TTC39C: variants seen among roughly 807,000 people sequenced by gnomAD.
TTC39C encodes tetratricopeptide repeat domain 39C.
Under a neutral mutation model 76.3 loss-of-function variants are expected in TTC39C, and 33 were observed. That is an observed-to-expected ratio of 0.43 (90% confidence interval 0.33 to 0.58). The LOEUF (loss-of-function observed/expected upper bound fraction) is 0.58. Ranked by LOEUF, TTC39C falls within the 20% of genes least tolerant of loss-of-function variation. TTC39C has a pLI of 0.04. For synonymous variants in TTC39C, 254 were observed against 260.6 expected, an observed-to-expected ratio of 0.97 and a Z score of 0.24; for missense variants, 595 against 701.4, an observed-to-expected ratio of 0.85 and a Z score of 1.71.
intron 6 of TTC39C, among the ~76,000 whole-genome samples, chr18:24,109,251 G>A (rs1599334083): frequency 6.6e-6 from 1 of 150,898 alleles, no homozygotes; most frequent in East Asian, 2.0e-4. Context: ...AACTACTCAG[G>A]AGGCTGAGGT....
chr18:24,117,701 C>CA (rs1000196324), intron 7 of TTC39C, among the ~76,000 whole-genome samples: 19 of 106,516 alleles, frequency 1.8e-4, no homozygotes, highest in Admixed American at 7.0e-4. Flanking sequence ...GACTCCTTCT[C>CA]AAAAAAAAAG....
At chr18:24,065,642 G>T (rs1280210036) in intron 2 of TTC39C, among the ~76,000 whole-genome samples, 1 of 152,182 alleles carries the variant, frequency 6.6e-6, no homozygotes, top group East Asian at 1.9e-4. Context: ...TGGAGCCAGG[G>T]ATCCATATGT....
chr18:24,132,647 T>C lies in TTC39C; in HGVS notation c.*73T>C. 1 of 1,313,686 alleles carries C rather than the reference T, an allele frequency of 7.6e-7. No homozygotes were observed. The highest frequency in any genetic ancestry group is 1.1e-6 in the Non-Finnish European group (1 of 944,806). The allele number at this position is 1,313,686 out of a possible 1,614,324, so 81.4% of individuals were successfully genotyped here. On this transcript the variant is annotated 3_prime_UTR_variant, in exon 14 of 14. Coordinates refer to ENST00000317571, the MANE Select transcript of TTC39C (RefSeq NM_001135993.2). The stretch of plus-strand genomic sequence containing the variant: ...TTAAAATAAAAGCAGAGGACAAAGC[T>C]CTTGTGAAGATGGGCTTTTCTTCTG...
chr18:24,125,726 T>C, intron 10 of TTC39C, 176 bp downstream of exon 10: 2 of 739,744 alleles, frequency 2.7e-6, no homozygotes, highest in Non-Finnish European at 4.3e-6. Flanking sequence ...ACTTAGGTGA[T>C]GGGAGGAGGA....
At chr18:24,104,755 A>C (rs568948670) in intron 6 of TTC39C, among the ~76,000 whole-genome samples, 1 of 149,998 alleles carries the variant, frequency 6.7e-6, no homozygotes, top group Admixed American at 6.6e-5. Context: ...ATGAATGAAT[A>C]CAAAGTACAG....
chr18:24,117,944 A>G (rs1413692012), intron 7 of TTC39C, among the ~76,000 whole-genome samples, 181 bp from the exon 8 acceptor site: 1 of 152,206 alleles, frequency 6.6e-6, no homozygotes, highest in Non-Finnish European at 1.5e-5. Flanking sequence ...TGTCAAATTC[A>G]AACTTTACAT....
At position 24,022,612 on chromosome 18, in the gene TTC39C, C is replaced by G. The variant is rs189905431; in HGVS notation, c.167+7574C>G. Reference sequence around the variant, plus strand: ...TGGGGCAAGTTCCTTCAGTAATATGCAGATTGCACTCTGACACCCAGAAGC... The same window carrying G: ...TGGGGCAAGTTCCTTCAGTAATATGGAGATTGCACTCTGACACCCAGAAGC... On this transcript the variant is annotated intron_variant, in intron 1 of 13. Transcript: ENST00000317571. The G allele has an allele frequency of 1.2e-4, 123 of 985,364 alleles. No homozygotes were observed. The Admixed American group carries it at 1.7e-3, about 13-fold the overall frequency. 61.0% of individuals were successfully genotyped at this position (985,364 alleles called of 1,614,324 possible). A position where few individuals can be genotyped will look rare whatever the true frequency, so the allele number is the denominator to read the frequency against.
At chr18:24,106,749 A>G (rs991742203) in intron 6 of TTC39C, among the ~76,000 whole-genome samples, 3 of 152,200 alleles carry the variant, frequency 2.0e-5, no homozygotes, top group Non-Finnish European at 2.9e-5. Context: ...CAGTGGCACT[A>G]TCTTGGCTCA....
chr18:24,100,813 C>G (rs2084664581), intron 6 of TTC39C, among the ~76,000 whole-genome samples: 1 of 152,132 alleles, frequency 6.6e-6, no homozygotes, highest in Admixed American at 6.6e-5. Context: ...TTTTTATTCA[C>G]CAGGAATGTT....
intron 1 of TTC39C, among the ~76,000 whole-genome samples, chr18:24,054,505 T>TC (rs2083991589): frequency 6.6e-6 from 1 of 152,128 alleles, no homozygotes; most frequent in African/African-American, 2.4e-5. Context: ...ACTGTTCAAC[T>TC]CCCCCCTGTA....
At chr18:24,087,495 T>C (rs899764310) in intron 6 of TTC39C, among the ~76,000 whole-genome samples, 2 of 152,136 alleles carry the variant, frequency 1.3e-5, no homozygotes, top group African/African-American at 4.8e-5. Flanking sequence ...TAAAAAAGTG[T>C]TCAGATATTC....
At chr18:24,085,440 C>G (rs1354076546) in intron 6 of TTC39C, among the ~76,000 whole-genome samples, 5 of 152,184 alleles carry the variant, frequency 3.3e-5, no homozygotes, top group Admixed American at 2.6e-4. Context: ...TTTGGTTAAG[C>G]TAATAAGTTT....
At chr18:24,100,072 TGTTTTACA>T (rs1197863062) in intron 6 of TTC39C, among the ~76,000 whole-genome samples, 1 of 152,214 alleles carries the variant, frequency 6.6e-6, no homozygotes, top group Non-Finnish European at 1.5e-5. Flanking sequence ...TAACTTAGCT[TGTTTTACA>T]GTTTTTCTTA....
rs79125648 is a variant in TTC39C at position 24,107,310 on chromosome 18, C to G, written c.985-7244C>G. ...TAACACACACACACACACACACACA[C>G]GCACGCATGTGCACTCTACTTTCTG... On this transcript the variant is annotated intron_variant, in intron 6 of 13. Transcript: ENST00000317571. Among the ~76,000 whole-genome samples the G allele has an allele frequency of 0.024, 3,581 of 152,046 alleles. 218 individuals are homozygous for G. The East Asian group carries it at 0.24, about 10-fold the overall frequency.
intron 1 of TTC39C, among the ~76,000 whole-genome samples, chr18:24,005,465 C>T (rs1164227383): frequency 6.6e-6 from 1 of 152,284 alleles, no homozygotes. Flanking sequence ...CACTGCTCTG[C>T]ACCCTGTGGT....
Position 24,123,961 on chromosome 18 carries a change from G to A in TTC39C, c.1296+18G>A. On this transcript the variant is annotated intron_variant, in intron 9 of 13. Transcript: ENST00000317571. ...TGAAAAAGGTATGTTGGAGCCTATT[G>A]ATCTGGTGTATTACTTATGATGGGC... The A allele has an allele frequency of 1.3e-6, 2 of 1,571,274 alleles. No individual in the cohort carries two copies. The highest frequency in any genetic ancestry group is 8.7e-7 in the Non-Finnish European group (1 of 1,151,238).
intron 1 of TTC39C, chr18:24,020,144 G>A: frequency 8.1e-7 from 1 of 1,228,920 alleles, no homozygotes; most frequent in Non-Finnish European, 1.0e-6. Flanking sequence ...AATGGTTTAA[G>A]GGAACTGGCG....
Position 24,134,870 on chromosome 18 carries a change from CAGAG to C in TTC39C, c.*2299_*2302del, listed in dbSNP as rs966825658. On this transcript the variant is annotated 3_prime_UTR_variant, in exon 14 of 14. Coordinates refer to ENST00000317571, the MANE Select transcript of TTC39C (RefSeq NM_001135993.2). ...TAAAAAAAATACTTTTATTTCCCCACAGAGAGTTCAGGACTTCAGATTAGTTTGT... is the reference window on the plus strand; with the variant it reads ...TAAAAAAAATACTTTTATTTCCCCACAGTTCAGGACTTCAGATTAGTTTGT... 11 of 152,160 alleles carry C rather than the reference CAGAG, an allele frequency of 7.2e-5. No homozygotes were observed. The highest frequency in any genetic ancestry group is 2.7e-4 in the African/African-American group (11 of 41,430). 9.4% of individuals were successfully genotyped at this position (152,160 alleles called of 1,614,324 possible). A position where few individuals can be genotyped will look rare whatever the true frequency, so the allele number is the denominator to read the frequency against.
chr18:24,060,550 T>C (rs2043025), intron 1 of TTC39C, among the ~76,000 whole-genome samples: 147,921 of 151,920 alleles, frequency 0.97, 72,130 homozygotes, highest in Middle Eastern at 1. Context: ...TCAGGTGATC[T>C]GCCCGCCTCA....
Sources: allele counts gnomAD v4.1 joint callset (sites outside exome capture counted in the v4.1 genomes callset), GRCh38; gene constraint gnomAD v4.1.1; transcripts MANE v1.5; gene names NCBI Gene and HGNC (gene_info 2026-07-23, HGNC 2026-07-21).